ARHGAP26: variants seen among roughly 807,000 people sequenced by gnomAD.
The protein encoded by ARHGAP26 is rho GTPase-activating protein 26.
Under a neutral mutation model 104.8 loss-of-function variants are expected in ARHGAP26, and 38 were observed. That is an observed-to-expected ratio of 0.36 (90% CI 0.28 to 0.48). ARHGAP26 has a LOEUF of 0.48. Ranked by LOEUF, ARHGAP26 falls within the 20% of genes least tolerant of loss-of-function variation. The probability of loss-of-function intolerance (pLI) is 0.99; values close to 1 mark genes in which losing one functional copy is unlikely to be tolerated. For missense variants in ARHGAP26, 704 were observed against 947.9 expected (o/e 0.74, Z 3.38); for synonymous variants, 341 against 340.0 (o/e 1.00, Z -0.03).
intron 14 of ARHGAP26, among the ~76,000 whole-genome samples, chr5:143,053,851 C>G (rs988423575): frequency 6.6e-6 from 1 of 152,142 alleles, no homozygotes; most frequent in African/African-American, 2.4e-5. Context: ...TTCTCATAGA[C>G]ATATCTTGTT....
At chr5:143,094,750 A>G (rs1187356165) in intron 17 of ARHGAP26, among the ~76,000 whole-genome samples, 1 of 151,994 alleles carries the variant, frequency 6.6e-6, no homozygotes, top group Non-Finnish European at 1.5e-5. Flanking sequence ...ACTAATTCCA[A>G]TTGGCTAATT....
At chr5:142,861,016 C>T (rs564480089) in intron 1 of ARHGAP26, among the ~76,000 whole-genome samples, 23 of 152,266 alleles carry the variant, frequency 1.5e-4, no homozygotes, top group Non-Finnish European at 2.8e-4. Flanking sequence ...TGTTCAGACA[C>T]GTTTTGAGAA....
At position 142,852,706 on chromosome 5, in the gene ARHGAP26, G is replaced by C. The variant is rs75425201; in HGVS notation, c.155-20694G>C. ...GTGTCTTGGAAGGAGACAATGGGAA[G>C]GTTCTTTGATCCAGAGGAGGTCTGT... On this transcript the variant is annotated intron_variant, in intron 1 of 22. Transcript: ENST00000645722. Among the ~76,000 whole-genome samples the C allele has an allele frequency of 3.0e-4, 45 of 152,304 alleles. No homozygotes were observed. In the East Asian group the frequency reaches 8.1e-3, roughly 27 times the overall value.
At chr5:143,034,250 A>G (rs1336367113) in intron 12 of ARHGAP26, among the ~76,000 whole-genome samples, 1 of 152,204 alleles carries the variant, frequency 6.6e-6, no homozygotes, top group Non-Finnish European at 1.5e-5. Context: ...TCCTAGGTGT[A>G]TACTCAAAAG....
chr5:142,903,797 C>T, intron 8 of ARHGAP26, 128 bp downstream of exon 8: 2 of 975,836 alleles, frequency 2.0e-6, no homozygotes, highest in East Asian at 5.9e-5. Flanking sequence ...TTTTATAGTT[C>T]ACCTTTCCAA....
At chr5:143,172,377 G>A (rs1802895345) in intron 20 of ARHGAP26, among the ~76,000 whole-genome samples, 1 of 152,084 alleles carries the variant, frequency 6.6e-6, no homozygotes. Flanking sequence ...GAGGAAGAGA[G>A]TAATTCATCA....
chr5:143,207,725 C>T lies in ARHGAP26; in HGVS notation c.2099+417C>T, dbSNP rs556608278. ...CAGACTCTGGTTTTGATGGCTCTCTCAATTTCATGTGCTCTCTGCACTTTG... is the reference window on the plus strand; with the variant it reads ...CAGACTCTGGTTTTGATGGCTCTCTTAATTTCATGTGCTCTCTGCACTTTG... On this transcript the variant is annotated intron_variant, in intron 21 of 22. Transcript: ENST00000645722. Among the ~76,000 whole-genome samples the T allele has an allele frequency of 1.3e-4, 20 of 152,356 alleles. 2 individuals are homozygous for T. The South Asian group carries it at 3.9e-3, about 30-fold the overall frequency.
intron 1 of ARHGAP26, among the ~76,000 whole-genome samples, chr5:142,801,934 G>T (rs1762148553): frequency 6.6e-6 from 1 of 152,206 alleles, no homozygotes; most frequent in Non-Finnish European, 1.5e-5. Context: ...TGTCTGGTGA[G>T]ACTGGAGTGG....
intron 1 of ARHGAP26, among the ~76,000 whole-genome samples, chr5:142,826,609 C>T (rs915474377): frequency 6.6e-5 from 10 of 152,166 alleles, no homozygotes; most frequent in African/African-American, 1.7e-4. Flanking sequence ...GGTGACTTGT[C>T]GCCACACCAT....
intron 20 of ARHGAP26, among the ~76,000 whole-genome samples, chr5:143,176,579 C>A (rs1336089393): frequency 1.3e-5 from 2 of 152,088 alleles, no homozygotes; most frequent in Non-Finnish European, 2.9e-5. Context: ...AAAGAGCCAG[C>A]CTAAAAATGA....
At chr5:143,044,247 G>T (rs1055734284) in intron 14 of ARHGAP26, among the ~76,000 whole-genome samples, 3 of 152,160 alleles carry the variant, frequency 2.0e-5, no homozygotes, top group Non-Finnish European at 4.4e-5. Flanking sequence ...CAGAAGCATG[G>T]CAGAGTCAGG....
intron 20 of ARHGAP26, among the ~76,000 whole-genome samples, chr5:143,193,250 T>C (rs953023153): frequency 7.2e-6 from 1 of 138,320 alleles, no homozygotes; most frequent in Non-Finnish European, 1.6e-5. Flanking sequence ...CTTTTTTTTT[T>C]TTTTTTTTTT....
chr5:142,984,218 C>G (rs1445622421), intron 11 of ARHGAP26, among the ~76,000 whole-genome samples: 2 of 152,152 alleles, frequency 1.3e-5, no homozygotes, highest in Non-Finnish European at 2.9e-5. Context: ...AAAGGTTTGC[C>G]AGAAATCGCC....
At chr5:143,162,119 A>G (rs1048495816) in intron 20 of ARHGAP26, among the ~76,000 whole-genome samples, 2 of 152,122 alleles carry the variant, frequency 1.3e-5, no homozygotes, top group African/African-American at 4.8e-5. Flanking sequence ...ATTTCTTCAA[A>G]TGAATGTGTT....
intron 1 of ARHGAP26, among the ~76,000 whole-genome samples, chr5:142,800,183 A>C (rs758325232): frequency 2.0e-5 from 3 of 152,188 alleles, no homozygotes; most frequent in Admixed American, 6.5e-5. Context: ...TAAAATTTGC[A>C]CTACCTGAAA....
In ARHGAP26 at chr5:143,207,946, G is replaced by A. The variant is rs564901293; in HGVS notation, c.2099+638G>A. On this transcript the variant is annotated intron_variant, in intron 21 of 22. Coordinates refer to ENST00000645722, the MANE Select transcript of ARHGAP26 (RefSeq NM_001135608.3). ...AGAATAAAAGCTTGAGAGACGAAGC[G>A]ATTTCTCTTAAATTGCTCACGGCTT... is the stretch of plus-strand genomic sequence containing the variant. Among the ~76,000 whole-genome samples, 37 of 152,316 alleles carry A rather than the reference G, an allele frequency of 2.4e-4. No homozygotes were observed. The South Asian group carries it at 6.0e-3, about 25-fold the overall frequency.
chr5:142,878,089 A>G (rs1756386552), intron 3 of ARHGAP26, among the ~76,000 whole-genome samples: 1 of 152,320 alleles, frequency 6.6e-6, no homozygotes, highest in African/African-American at 2.4e-5. Context: ...TGTCCCTTAC[A>G]TTGTTCAGTT....
intron 11 of ARHGAP26, among the ~76,000 whole-genome samples, chr5:142,959,863 CACATCTG>C (rs1346323966): frequency 3.3e-5 from 5 of 152,230 alleles, no homozygotes; most frequent in Non-Finnish European, 4.4e-5. Context: ...TTCTGCCAGC[CACATCTG>C]ACAAGTCTGG....
chr5:143,028,783 AC>A (rs1781435953), intron 12 of ARHGAP26, among the ~76,000 whole-genome samples: 1 of 152,206 alleles, frequency 6.6e-6, no homozygotes, highest in Non-Finnish European at 1.5e-5. Flanking sequence ...AGTTTCCACT[AC>A]CTACAATTCT....
Sources: allele counts gnomAD v4.1 joint callset (sites outside exome capture counted in the v4.1 genomes callset), GRCh38; gene constraint gnomAD v4.1.1; transcripts MANE v1.5; gene names NCBI Gene and HGNC (gene_info 2026-07-23, HGNC 2026-07-21).